CCBE1: variants seen among roughly 807,000 people sequenced by gnomAD.
CCBE1 encodes collagen and calcium-binding EGF domain-containing protein 1.
A neutral mutation model predicts 50.0 loss-of-function variants in CCBE1; 37 were observed. The ratio of observed to expected loss-of-function variants is 0.74; its 90% CI spans 0.57 to 0.97. The LOEUF (loss-of-function observed/expected upper bound fraction) is 0.97. Ranked by LOEUF, CCBE1 falls within the 50% of genes least tolerant of loss-of-function variation. CCBE1 has a pLI of 0.00. For synonymous variants in CCBE1, 234 were observed against 203.7 expected, an observed-to-expected ratio of 1.15 and a Z score of -1.27; for missense variants, 538 against 523.8, an observed-to-expected ratio of 1.03 and a Z score of -0.26.
chr18:59,696,418 A>T, intron 2 of CCBE1: 1 of 1,304,696 alleles, frequency 7.7e-7, no homozygotes, highest in Non-Finnish European at 1.0e-6. Context: ...CAGGGCACAC[A>T]CCCTAGACGC....
intron 2 of CCBE1, among the ~76,000 whole-genome samples, chr18:59,542,347 T>G (rs1208808387): frequency 6.6e-6 from 1 of 152,052 alleles, no homozygotes; most frequent in Non-Finnish European, 1.5e-5. Context: ...CAACACGAGA[T>G]TCTAGAATTT....
At chr18:59,687,638 A>G (rs982133172) in intron 2 of CCBE1, among the ~76,000 whole-genome samples, 2 of 152,230 alleles carry the variant, frequency 1.3e-5, no homozygotes, top group African/African-American at 4.8e-5. Context: ...TTGTGGAACA[A>G]AACAGCTGGT....
chr18:59,547,272 G>C (rs1915742938), intron 2 of CCBE1, among the ~76,000 whole-genome samples: 1 of 152,080 alleles, frequency 6.6e-6, no homozygotes, highest in African/African-American at 2.4e-5. Context: ...TCTGAGGGGA[G>C]CAGGGAGGTG....
At chr18:59,681,404 A>G (rs1324043758) in intron 2 of CCBE1, among the ~76,000 whole-genome samples, 1 of 152,250 alleles carries the variant, frequency 6.6e-6, no homozygotes, top group Non-Finnish European at 1.5e-5. Context: ...AAGAAATTTT[A>G]TGAGAAAGCT....
At chr18:59,449,919 C>A (rs990568142) in intron 6 of CCBE1, among the ~76,000 whole-genome samples, 1 of 152,080 alleles carries the variant, frequency 6.6e-6, no homozygotes, top group Non-Finnish European at 1.5e-5. Flanking sequence ...CCCGGCTGAC[C>A]TCCTGCTGGG....
intron 2 of CCBE1, among the ~76,000 whole-genome samples, chr18:59,496,395 T>C (rs2143822512): frequency 6.6e-6 from 1 of 152,330 alleles, no homozygotes; most frequent in South Asian, 2.1e-4. Flanking sequence ...TCCAAGATAT[T>C]ATTTATAAAA....
intron 3 of CCBE1, among the ~76,000 whole-genome samples, chr18:59,473,014 G>A (rs1912110740): frequency 6.6e-6 from 1 of 152,112 alleles, no homozygotes; most frequent in Admixed American, 6.5e-5. Context: ...TCTCCACCTG[G>A]CCCTGCCCTT....
At chr18:59,480,105 T>A in intron 3 of CCBE1, 81 bp downstream of exon 3, 1 of 943,828 alleles carries the variant, frequency 1.1e-6, no homozygotes, top group Non-Finnish European at 1.7e-6. Flanking sequence ...AAGACCTATA[T>A]TCCATGAACA....
In CCBE1 at chr18:59,431,983, C is replaced by A. The variant is rs539473840; in HGVS notation, c.*3925G>T. 6.6e-6 allele frequency: 1 copy of A among 152,350 alleles called. No homozygotes were observed. The highest frequency in any genetic ancestry group is 2.1e-4 in the South Asian group (1 of 4,824). 9.4% of individuals were successfully genotyped at this position (152,350 alleles called of 1,614,324 possible). A position where few individuals can be genotyped will look rare whatever the true frequency, so the allele number is the denominator to read the frequency against. On this transcript the variant is annotated 3_prime_UTR_variant, in exon 11 of 11. Transcript: ENST00000439986. ...CTATTTTCTTTTTTCGAGACGGAGT[C>A]TCACTCTGTAGCCAGGCTGGAGTGC...
intron 7 of CCBE1, among the ~76,000 whole-genome samples, 177 bp downstream of exon 7, chr18:59,447,806 C>T (rs1910747015): frequency 6.6e-6 from 1 of 152,194 alleles, no homozygotes; most frequent in African/African-American, 2.4e-5. Context: ...GTTTCTCAGG[C>T]TTGAGGGCCT....
intron 2 of CCBE1, among the ~76,000 whole-genome samples, chr18:59,659,351 T>C (rs374254705): frequency 1.2e-4 from 18 of 151,848 alleles, no homozygotes; most frequent in African/African-American, 4.4e-4. Flanking sequence ...ATACAGACAC[T>C]GTGACATCCA....
intron 2 of CCBE1, among the ~76,000 whole-genome samples, chr18:59,615,054 C>G (rs2053619370): frequency 6.6e-6 from 1 of 152,228 alleles, no homozygotes; most frequent in East Asian, 1.9e-4. Flanking sequence ...TATGTGTCCA[C>G]TTTTCTCTCT....
rs548894384 is a variant in CCBE1, at chr18:59,646,500, T to C, written c.212+50129A>G. On this transcript the variant is annotated intron_variant, in intron 2 of 10. Coordinates refer to ENST00000439986, the MANE Select transcript of CCBE1 (RefSeq NM_133459.4). ...TGCTGGTGAGAGACGGATGAGGGTCTTGGGTTGGGACAGAGCTTACAGCAT... is the reference window on the plus strand; with the variant it reads ...TGCTGGTGAGAGACGGATGAGGGTCCTGGGTTGGGACAGAGCTTACAGCAT... Among the ~76,000 whole-genome samples the C allele has an allele frequency of 3.5e-3, 538 of 152,322 alleles. 2 individuals are homozygous for C. The highest frequency in any genetic ancestry group is 5.0e-3 in the Non-Finnish European group (340 of 68,030).
chr18:59,570,160 G>A (rs1363244565), intron 2 of CCBE1, among the ~76,000 whole-genome samples: 1 of 152,158 alleles, frequency 6.6e-6, no homozygotes, highest in African/African-American at 2.4e-5. Flanking sequence ...TAGGAGCTTA[G>A]GATCTAGCCT....
chr18:59,557,701 G>T (rs928779907), intron 2 of CCBE1, among the ~76,000 whole-genome samples: 2 of 152,116 alleles, frequency 1.3e-5, no homozygotes, highest in Non-Finnish European at 2.9e-5. Context: ...TTCTAGGGGG[G>T]ATTTAAACCC....
At chr18:59,687,976 G>T (rs1020567999) in intron 2 of CCBE1, among the ~76,000 whole-genome samples, 1 of 152,008 alleles carries the variant, frequency 6.6e-6, no homozygotes, top group African/African-American at 2.4e-5. Flanking sequence ...AAATTCTTAA[G>T]TTTAATCACT....
chr18:59,525,349 A>G (rs555494325), intron 2 of CCBE1, among the ~76,000 whole-genome samples: 3 of 152,318 alleles, frequency 2.0e-5, no homozygotes, highest in African/African-American at 7.2e-5. Flanking sequence ...TTTTGCTCAT[A>G]TACTTGTTGG....
chr18:59,613,863 GTTTTTTTTTTTTTT>G (rs34847608), intron 2 of CCBE1, among the ~76,000 whole-genome samples: 1 of 98,428 alleles, frequency 1.0e-5, no homozygotes, highest in East Asian at 3.2e-4. Context: ...TCTCTGATGG[GTTTTTTTTTTTTTT>G]TTTTTTTTTG....
chr18:59,508,607 G>A (rs997941918), intron 2 of CCBE1, among the ~76,000 whole-genome samples: 1 of 146,826 alleles, frequency 6.8e-6, no homozygotes, highest in African/African-American at 2.5e-5. Context: ...ACAAAAAAAA[G>A]AAAAGTAAAA....
Sources: allele counts gnomAD v4.1 joint callset (sites outside exome capture counted in the v4.1 genomes callset), GRCh38; gene constraint gnomAD v4.1.1; transcripts MANE v1.5; gene names NCBI Gene and HGNC (gene_info 2026-07-23, HGNC 2026-07-21).